Variants in PTPRG observed in about 807,000 individuals in gnomAD.
PTPRG encodes receptor-type tyrosine-protein phosphatase gamma.
A neutral mutation model predicts 165.3 loss-of-function variants in PTPRG; 102 were observed. That is an observed-to-expected ratio of 0.62 (90% confidence interval 0.53 to 0.73). The LOEUF (loss-of-function observed/expected upper bound fraction) is 0.73. Among genes scored for constraint, PTPRG ranks in the 30% least tolerant of loss-of-function variants. The pLI, the probability that PTPRG is intolerant of heterozygous loss-of-function variation, is 0.00. For synonymous variants in PTPRG, 675 were observed against 669.5 expected (o/e 1.01, Z -0.13); for missense variants, 1,866 against 1,861.4 (o/e 1.00, Z -0.05).
intron 1 of PTPRG, among the ~76,000 whole-genome samples, chr3:61,717,665 T>C (rs2031864947): frequency 6.6e-6 from 1 of 152,082 alleles, no homozygotes; most frequent in Non-Finnish European, 1.5e-5. Flanking sequence ...GGTTTGTGCC[T>C]ATAGTCCCAG....
chr3:62,074,960 A>C (rs1701335924), intron 4 of PTPRG, among the ~76,000 whole-genome samples: 1 of 152,202 alleles, frequency 6.6e-6, no homozygotes. Context: ...TCACTCAGCA[A>C]AACCTCATCT....
At chr3:62,126,274 T>C (rs1461767477) in intron 5 of PTPRG, among the ~76,000 whole-genome samples, 1 of 152,112 alleles carries the variant, frequency 6.6e-6, no homozygotes, top group Non-Finnish European at 1.5e-5. Flanking sequence ...AATGGTCAGT[T>C]TAAGTAGATC....
At chr3:62,187,329 G>C (rs1576111914) in intron 8 of PTPRG, among the ~76,000 whole-genome samples, 1 of 152,226 alleles carries the variant, frequency 6.6e-6, no homozygotes, top group Non-Finnish European at 1.5e-5. Context: ...AAAAAGGCTT[G>C]GCCTCTCCTT....
chr3:61,816,881 G>A (rs539635019), intron 2 of PTPRG, among the ~76,000 whole-genome samples: 22 of 150,224 alleles, frequency 1.5e-4, no homozygotes, highest in South Asian at 4.2e-4. Flanking sequence ...GTATTGACAT[G>A]TAGCTTTTTG....
chr3:62,028,124 A>G (rs1020467039), intron 4 of PTPRG, among the ~76,000 whole-genome samples: 2 of 152,210 alleles, frequency 1.3e-5, no homozygotes, highest in Non-Finnish European at 2.9e-5. Context: ...CAGAATCTGC[A>G]TGTTCTTTGT....
chr3:61,621,051 A>ATATGTGTGTGTGTG, intron 1 of PTPRG, among the ~76,000 whole-genome samples: 11 of 117,992 alleles, frequency 9.3e-5, no homozygotes, highest in East Asian at 8.3e-4. Flanking sequence ...ATATATATAT[A>ATATGTGTGTGTGTG]TGTGTGTGTG....
In PTPRG at chr3:62,132,686, A is replaced by G; in HGVS notation, c.682+18A>G. On this transcript the variant is annotated intron_variant, in intron 6 of 29. Coordinates refer to ENST00000474889, the MANE Select transcript of PTPRG (RefSeq NM_002841.4). ...ACATCATGGTAAGTATGCCACATAC[A>G]CTTCCTTTTGCTGGGATGTGAAGGG... 6.3e-7 allele frequency: 1 copy of G among 1,588,110 alleles called. No individual in the cohort carries two copies.
intron 5 of PTPRG, among the ~76,000 whole-genome samples, chr3:62,099,890 C>A (rs555473846): frequency 6.6e-6 from 1 of 151,032 alleles, no homozygotes; most frequent in East Asian, 2.0e-4. Flanking sequence ...CCTCCGCCTC[C>A]CAGGTTCAAG....
intron 1 of PTPRG, among the ~76,000 whole-genome samples, chr3:61,728,414 G>C (rs1023167969): frequency 6.6e-6 from 1 of 151,978 alleles, no homozygotes; most frequent in African/African-American, 2.4e-5. Context: ...AGACCCCTTC[G>C]CTACAAAAAA....
chr3:61,936,762 G>T (rs2039494445), intron 2 of PTPRG, among the ~76,000 whole-genome samples: 1 of 152,324 alleles, frequency 6.6e-6, no homozygotes, highest in Middle Eastern at 3.4e-3. Context: ...TGTGGAAATT[G>T]TGTGTTATTT....
At chr3:62,246,463 C>G (rs1220032487) in intron 15 of PTPRG, among the ~76,000 whole-genome samples, 2 of 152,156 alleles carry the variant, frequency 1.3e-5, no homozygotes, top group East Asian at 3.8e-4. Flanking sequence ...CCCCACAGTC[C>G]TATTTAATAG....
At chr3:61,857,313 A>G (rs2037137189) in intron 2 of PTPRG, among the ~76,000 whole-genome samples, 1 of 152,190 alleles carries the variant, frequency 6.6e-6, no homozygotes, top group Admixed American at 6.5e-5. Context: ...CCTCTTGTGA[A>G]TTCATATCCC....
chr3:62,003,433 G>A lies in PTPRG; in HGVS notation c.455G>A (p.Trp152Ter), dbSNP rs1273206285. ...RFKAEKVEFH[W>*]GHSNGSAGSE... Reference sequence around the variant, plus strand: ...AAAGCTGAGAAGGTGGAATTTCACTGGGGCCACAGCAATGGCTCAGCGGGC... The same window carrying A: ...AAAGCTGAGAAGGTGGAATTTCACTAGGGCCACAGCAATGGCTCAGCGGGC... The change falls in exon 4 of 30, where the codon TGG becomes TAG. Residue 152 changes from tryptophan (W) to a stop codon, truncating the protein, a stop_gained. Coordinates refer to ENST00000474889, the MANE Select transcript of PTPRG (RefSeq NM_002841.4). LOFTEE classifies it high-confidence loss of function. 1 of 1,614,004 alleles carries A rather than the reference G, an allele frequency of 6.2e-7. No homozygotes were observed. Among genetic ancestry groups the A allele is most frequent in the Non-Finnish European group, 8.5e-7 (1 of 1,179,944 alleles).
chr3:62,197,946 C>T (rs1316389478), intron 10 of PTPRG, among the ~76,000 whole-genome samples: 1 of 151,988 alleles, frequency 6.6e-6, no homozygotes, highest in Non-Finnish European at 1.5e-5. Flanking sequence ...GGCATTTATC[C>T]CTCTATGTTG....
At chr3:62,253,632 A>G (rs1345638415) in intron 15 of PTPRG, among the ~76,000 whole-genome samples, 1 of 152,150 alleles carries the variant, frequency 6.6e-6, no homozygotes, top group Non-Finnish European at 1.5e-5. Flanking sequence ...ATTTTCTTGA[A>G]CTGTGCATTC....
intron 1 of PTPRG, among the ~76,000 whole-genome samples, chr3:61,669,173 T>C (rs937355153): frequency 2.6e-5 from 4 of 152,164 alleles, no homozygotes; most frequent in Non-Finnish European, 4.4e-5. Context: ...GAGAGTGGAC[T>C]AAGGTAGTGT....
intron 1 of PTPRG, among the ~76,000 whole-genome samples, chr3:61,616,782 C>T (rs753356820): frequency 3.3e-5 from 5 of 152,164 alleles, no homozygotes; most frequent in Admixed American, 6.5e-5. Flanking sequence ...TGTGTTAATA[C>T]GCAACTTTAT....
At chr3:62,084,561 A>T (rs1321806726) in intron 5 of PTPRG, among the ~76,000 whole-genome samples, 3 of 152,054 alleles carry the variant, frequency 2.0e-5, no homozygotes, top group Non-Finnish European at 4.4e-5. Flanking sequence ...CTGCTTAATT[A>T]TTTTTCTCCA....
chr3:62,058,813 CAG>C (rs555311097), intron 4 of PTPRG, among the ~76,000 whole-genome samples: 1 of 152,286 alleles, frequency 6.6e-6, no homozygotes, highest in South Asian at 2.1e-4. Flanking sequence ...AGAAAGAAAA[CAG>C]AGCCCCAGTG....
Sources: gnomAD v4.1 joint callset for allele counts (sites outside exome capture counted in the v4.1 genomes callset) on GRCh38, gnomAD v4.1.1 for gene constraint, MANE v1.5 for transcripts, NCBI Gene and HGNC (gene_info 2026-07-23, HGNC 2026-07-21) for gene names.